UCHL3: variants seen among roughly 807,000 people sequenced by gnomAD.
The protein encoded by UCHL3 is ubiquitin carboxyl-terminal hydrolase isozyme L3.
UCHL3 carries 22 observed loss-of-function variants against 35.8 expected under a neutral mutation model. The ratio of observed to expected loss-of-function variants is 0.61; its 90% CI spans 0.44 to 0.88. The LOEUF is 0.88. Among genes scored for constraint, UCHL3 ranks in the 40% least tolerant of loss-of-function variants. UCHL3 has a pLI of 0.00. For synonymous variants in UCHL3, 90 were observed against 92.8 expected (o/e 0.97, Z 0.17); for missense variants, 229 against 276.9 (o/e 0.83, Z 1.23).
At chr13:75,590,624 G>A (rs1395969458) in intron 6 of UCHL3, among the ~76,000 whole-genome samples, 1 of 152,050 alleles carries the variant, frequency 6.6e-6, no homozygotes, top group Admixed American at 6.6e-5. Context: ...ATCCTTCATG[G>A]TGTAGGGTGT....
intron 6 of UCHL3, among the ~76,000 whole-genome samples, chr13:75,573,698 T>C (rs2031934781): frequency 6.6e-6 from 1 of 152,212 alleles, no homozygotes; most frequent in South Asian, 2.1e-4. Context: ...GTTGGATTAG[T>C]GCCCCATTCT....
At position 75,605,933 on chromosome 13, in the gene UCHL3, A is replaced by T; in HGVS notation, c.*121A>T. 1.0e-6 allele frequency: 1 copy of T among 958,858 alleles called. No homozygotes were observed. Among genetic ancestry groups the T allele is most frequent in the South Asian group, 1.6e-5 (1 of 63,104 alleles). The allele number at this position is 958,858 out of a possible 1,614,324, so 59.4% of individuals were successfully genotyped here. On this transcript the variant is annotated 3_prime_UTR_variant, in exon 9 of 9. Transcript: ENST00000377595. ...GATGATTAAACTTTATGTGAGTTAA[A>T]CTTTGCCTTAACCTGTGTTTTATGT... is the stretch of plus-strand genomic sequence containing the variant.
chr13:75,581,859 G>A (rs916398638), intron 6 of UCHL3, among the ~76,000 whole-genome samples: 2 of 152,138 alleles, frequency 1.3e-5, no homozygotes, highest in Non-Finnish European at 2.9e-5. Flanking sequence ...TGGCCTTTGA[G>A]GACGTAGGTG....
intron 2 of UCHL3, among the ~76,000 whole-genome samples, chr13:75,550,294 G>A (rs2031039308): frequency 6.6e-6 from 1 of 152,232 alleles, no homozygotes; most frequent in South Asian, 2.1e-4. Flanking sequence ...TCTTCGTTTT[G>A]CCTCCTGTTA....
At chr13:75,566,947 A>G (rs1187487469) in intron 4 of UCHL3, 96 bp downstream of exon 4, 3 of 1,328,292 alleles carry the variant, frequency 2.3e-6, no homozygotes, top group South Asian at 1.5e-5. Flanking sequence ...TTCAAACTAT[A>G]AAATAAAGCA....
At chr13:75,574,860 G>T (rs1474880580) in intron 6 of UCHL3, among the ~76,000 whole-genome samples, 1 of 152,176 alleles carries the variant, frequency 6.6e-6, no homozygotes, top group Non-Finnish European at 1.5e-5. Context: ...GGTCATATGT[G>T]TAGGAGTCTA....
At chr13:75,578,169 AT>A (rs1019564137) in intron 6 of UCHL3, among the ~76,000 whole-genome samples, 133 of 151,820 alleles carry the variant, frequency 8.8e-4, no homozygotes, top group Non-Finnish European at 9.9e-4. Flanking sequence ...TACCATGAAC[AT>A]TTTTTTTGTT....
At chr13:75,601,272 G>A (rs2032776027) in intron 7 of UCHL3, among the ~76,000 whole-genome samples, 1 of 152,234 alleles carries the variant, frequency 6.6e-6, no homozygotes, top group Non-Finnish European at 1.5e-5. Context: ...AGCAGCAGCA[G>A]AATTTGAGAG....
intron 6 of UCHL3, among the ~76,000 whole-genome samples, chr13:75,588,282 T>C (rs2032382035): frequency 1.3e-5 from 2 of 152,152 alleles, no homozygotes; most frequent in South Asian, 4.1e-4. Context: ...TATTTCCCTC[T>C]CTAGATTCTT....
At chr13:75,572,035 C>CTTGT (rs1566216903) in intron 6 of UCHL3, among the ~76,000 whole-genome samples, 2 of 149,742 alleles carry the variant, frequency 1.3e-5, no homozygotes, top group African/African-American at 4.9e-5. Flanking sequence ...CTTTACTTTT[C>CTTGT]CTTCCTTCCT....
At chr13:75,605,707 T>C in intron 8 of UCHL3, 22 bp from the exon 9 acceptor site, 3 of 1,606,380 alleles carry the variant, frequency 1.9e-6, no homozygotes, top group Non-Finnish European at 1.7e-6. Context: ...TGAAAAATCA[T>C]ACTTTTTTTT....
chr13:75,550,115 C>T (rs1024786383), intron 2 of UCHL3, 128 bp downstream of exon 2: 9 of 1,435,608 alleles, frequency 6.3e-6, no homozygotes, highest in Middle Eastern at 3.8e-4. Context: ...CCCTCTTGTT[C>T]GGCTTTACGC....
chr13:75,573,252 G>A (rs1301490815), intron 6 of UCHL3, among the ~76,000 whole-genome samples: 1 of 137,348 alleles, frequency 7.3e-6, no homozygotes, highest in East Asian at 2.1e-4. Flanking sequence ...CAACAAGAGC[G>A]AGACTCTGTC....
chr13:75,575,774 C>T (rs560512650), intron 6 of UCHL3, among the ~76,000 whole-genome samples: 81 of 152,284 alleles, frequency 5.3e-4, no homozygotes, highest in African/African-American at 1.7e-3. Context: ...TTTTTTGAGA[C>T]GTAGTCTTGC....
At chr13:75,584,948 A>G (rs1425863114) in intron 6 of UCHL3, among the ~76,000 whole-genome samples, 5 of 152,060 alleles carry the variant, frequency 3.3e-5, no homozygotes, top group African/African-American at 1.2e-4. Context: ...AAAGAGGGGG[A>G]AAAACCACAC....
At position 75,600,026 on chromosome 13, in the gene UCHL3, G is replaced by A. The variant is rs543113353; in HGVS notation, c.551-4743G>A. ...AAAACAGTATTATTGCTGATATGGA[G>A]AAAGTTTGAGTGGTCTGGATAGAAG... On this transcript the variant is annotated intron_variant, in intron 7 of 8. Transcript: ENST00000377595. 2.6e-5 allele frequency among the ~76,000 whole-genome samples: 4 copies of A among 152,354 alleles called. 1 individual carries two copies. The South Asian group carries it at 8.3e-4, about 32-fold the overall frequency.
chr13:75,601,637 A>T (rs754510127), intron 7 of UCHL3, among the ~76,000 whole-genome samples: 5 of 152,216 alleles, frequency 3.3e-5, no homozygotes, highest in Non-Finnish European at 7.3e-5. Flanking sequence ...TAATATAAAC[A>T]TAACTTTTAT....
Position 75,567,457 on chromosome 13 carries a change from A to G in UCHL3, c.426+145A>G, listed in dbSNP as rs1227806114. The G allele has an allele frequency of 8.9e-6, 6 of 677,756 alleles. No homozygotes were observed. In the South Asian group the frequency reaches 1.1e-4, roughly 13 times the overall value. 42.0% of individuals were successfully genotyped at this position (677,756 alleles called of 1,614,324 possible). A position where few individuals can be genotyped will look rare whatever the true frequency, so the allele number is the denominator to read the frequency against. ...TTAAGAAAAGCCTTTTGTACTTTTC[A>G]GATAACTTTGAAATATCCACAAATG... On this transcript the variant is annotated intron_variant, in intron 5 of 8. Transcript: ENST00000377595.
At chr13:75,551,066 A>T (rs989217768) in intron 2 of UCHL3, among the ~76,000 whole-genome samples, 18 of 152,162 alleles carry the variant, frequency 1.2e-4, no homozygotes, top group African/African-American at 4.3e-4. Flanking sequence ...GACTTTTCGC[A>T]AATGATTTTT....
Sources: allele counts gnomAD v4.1 joint callset (sites outside exome capture counted in the v4.1 genomes callset), GRCh38; gene constraint gnomAD v4.1.1; transcripts MANE v1.5; gene names NCBI Gene and HGNC (gene_info 2026-07-23, HGNC 2026-07-21).